INF2: variants seen among roughly 807,000 people sequenced by gnomAD.
INF2 encodes inverted formin 2.
Under a neutral mutation model 123.5 loss-of-function variants are expected in INF2, and 43 were observed. The ratio of observed to expected loss-of-function variants is 0.35; its 90% CI spans 0.27 to 0.45. The LOEUF (loss-of-function observed/expected upper bound fraction) is 0.45. Among genes scored for constraint, INF2 ranks in the 20% least tolerant of loss-of-function variants. The pLI is 1.00. For synonymous variants in INF2, 851 were observed against 745.0 expected, an observed-to-expected ratio of 1.14 and a Z score of -2.32; for missense variants, 1,453 against 1,682.7, an observed-to-expected ratio of 0.86 and a Z score of 2.39.
chr14:104,698,718 G>A (rs1463264804), intron 1 of INF2, among the ~76,000 whole-genome samples: 1 of 152,310 alleles, frequency 6.6e-6, no homozygotes, highest in Non-Finnish European at 1.5e-5. Context: ...AACATTCTCC[G>A]GTGTAGAGCC....
Position 104,707,660 on chromosome 14 carries a change from G to T in INF2, c.1393G>T (p.Gly465Cys). ...AGCACCCCCGCCCCCACCCCTGCCA[G>T]GCCTGGGGGCCATGGCCCCCCCAGC... ...PTAPPPPPLP[G>C]LGAMAPPAPP... Residue 465 changes from glycine (G) to cysteine (C), a missense_variant, in exon 8 of 23, where the codon GGC (glycine) becomes TGC (cysteine). Coordinates refer to ENST00000392634, the MANE Select transcript of INF2 (RefSeq NM_022489.4). The T allele has an allele frequency of 1.7e-6, 1 of 572,750 alleles. No individual in the cohort carries two copies. Among genetic ancestry groups the T allele is most frequent in the Non-Finnish European group, 2.8e-6 (1 of 363,404 alleles). The allele number at this position is 572,750 out of a possible 1,614,324, so 35.5% of individuals were successfully genotyped here.
rs889786318 is a variant in INF2, at chr14:104,699,369, C to T, written c.-9-1988C>T. The T allele has an allele frequency of 9.1e-6, 9 of 983,738 alleles. No homozygotes were observed. Among genetic ancestry groups the T allele is most frequent in the Non-Finnish European group, 8.4e-6 (7 of 828,670 alleles). 60.9% of individuals were successfully genotyped at this position (983,738 alleles called of 1,614,324 possible). ...CCTCTTTAGGCAGCAACAGCCAAGGCGGGTGGGAATATATGCAGAGGCCCG... is the reference window on the plus strand; with the variant it reads ...CCTCTTTAGGCAGCAACAGCCAAGGTGGGTGGGAATATATGCAGAGGCCCG... On this transcript the variant is annotated intron_variant, in intron 1 of 22. Transcript: ENST00000392634. The surrounding 1 kb of genome is among the most constrained non-coding windows in gnomAD (Gnocchi z 4.7).
At chr14:104,711,213 G>A (rs1445970330) in intron 15 of INF2, 27 bp downstream of exon 15, 1 of 1,530,560 alleles carries the variant, frequency 6.5e-7, no homozygotes, top group South Asian at 1.2e-5. Context: ...GGGGCATAAT[G>A]GGAGGGCTTC....
upstream of INF2, chr14:104,689,243 G>C: frequency 5.1e-6 from 5 of 985,428 alleles, no homozygotes; most frequent in Non-Finnish European, 6.0e-6. Context: ...GGGGCAGAGA[G>C]AGGTGAGCGG....
At chr14:104,694,331 T>C (rs895709518) in intron 1 of INF2, among the ~76,000 whole-genome samples, 1 of 152,228 alleles carries the variant, frequency 6.6e-6, no homozygotes, top group Non-Finnish European at 1.5e-5. Context: ...CCAAGCGGCA[T>C]GTTGCACCCA....
intron 1 of INF2, chr14:104,681,596 A>T: frequency 3.9e-6 from 5 of 1,288,996 alleles, no homozygotes; most frequent in Non-Finnish European, 5.1e-6. Flanking sequence ...AGAGATCAGG[A>T]ACGACAAGGC....
chr14:104,691,621 G>C (rs1192574376), intron 1 of INF2, among the ~76,000 whole-genome samples: 2 of 152,214 alleles, frequency 1.3e-5, no homozygotes, highest in Non-Finnish European at 2.9e-5. Context: ...GGCCACATAG[G>C]AGCCAGTCTC....
intron 1 of INF2, among the ~76,000 whole-genome samples, chr14:104,682,758 C>T (rs1566767618): frequency 6.6e-6 from 1 of 152,160 alleles, no homozygotes; most frequent in African/African-American, 2.4e-5. Context: ...TGAAACCAAG[C>T]CCTCACCTAG....
chr14:104,688,833 G>T (rs565294905), upstream of INF2, among the ~76,000 whole-genome samples: 1 of 152,338 alleles, frequency 6.6e-6, no homozygotes, highest in African/African-American at 2.4e-5. Flanking sequence ...CCAGAGCTGG[G>T]GTCTGGCTCT....
chr14:104,692,813 A>C (rs1250607593), intron 1 of INF2, among the ~76,000 whole-genome samples: 1 of 152,258 alleles, frequency 6.6e-6, no homozygotes, highest in East Asian at 1.9e-4. Context: ...GGCCAAGGGC[A>C]AGGGCCAAGG....
rs767711403 is a variant in INF2, at chr14:104,708,704, C to G, written c.1921C>G (p.Leu641Val). Residue 641 changes from leucine to valine, a missense_variant, in exon 10 of 23, where the codon CTC (leucine) becomes GTC (valine). Around this residue, in one of 8 missense-constraint regions of INF2, gnomAD observed 192 missense variants for 274.4 expected, o/e 0.70. Transcript: ENST00000392634. ...TFLDAKKSLN[L>V]NIFLKQFKCS... ...CCTCGATGCCAAGAAGAGCCTGAAC[C>G]TCAACATCTTCCTGAAGCAATTTAA... is the stretch of plus-strand genomic sequence containing the variant. 6.2e-7 allele frequency: 1 copy of G among 1,613,120 alleles called. No homozygotes were observed. Among genetic ancestry groups the G allele is most frequent in the South Asian group, 1.1e-5 (1 of 91,086 alleles).
chr14:104,710,808 G>A (rs192518528), intron 13 of INF2, 129 bp from the exon 14 acceptor site: 67 of 761,716 alleles, frequency 8.8e-5, no homozygotes, highest in African/African-American at 7.3e-4. Context: ...TGATCCTTCC[G>A]GTGCTGGGCT....
At position 104,707,643 on chromosome 14, in the gene INF2, C is replaced by T. The variant is rs766510967; in HGVS notation, c.1376C>T (p.Pro459Leu). 2.1e-5 allele frequency: 20 copies of T among 961,810 alleles called. No individual in the cohort carries two copies. The highest frequency in any genetic ancestry group is 1.6e-4 in the South Asian group (11 of 67,686). The allele number at this position is 961,810 out of a possible 1,614,324, so 59.6% of individuals were successfully genotyped here. A position where few individuals can be genotyped will look rare whatever the true frequency, so the allele number is the denominator to read the frequency against. ...VGAKALPTAP[P>L]PPPLPGLGAM... ...GCTAAGGCCCTCCCAACAGCACCCC[C>T]GCCCCCACCCCTGCCAGGCCTGGGG... Residue 459 changes from proline (P) to leucine (L), a missense_variant, in exon 8 of 23, where the codon CCG becomes CTG. Physicochemically the swap from Pro to Leu is moderately conservative, Grantham distance 98 (BLOSUM62 -3). This residue lies in a region of INF2 where 374 missense variants were observed against 303.7 expected (regional missense o/e 1.23). Transcript: ENST00000392634.
At position 104,713,049 on chromosome 14, in the gene INF2, T is replaced by C. The variant is rs1016102423; in HGVS notation, c.2775+57T>C. 5.8e-5 allele frequency: 94 copies of C among 1,608,930 alleles called. No individual in the cohort carries two copies. In the East Asian group the frequency reaches 2.1e-3, roughly 35 times the overall value. ...GGCTAGAGTGGGGTCCCGAGGCCCC[T>C]GGCCTTCCTCCGGCAGGATGGGCAG... On this transcript the variant is annotated intron_variant, in intron 18 of 22. Coordinates refer to ENST00000392634, the MANE Select transcript of INF2 (RefSeq NM_022489.4).
chr14:104,710,424 C>T (rs1195621420), intron 13 of INF2, among the ~76,000 whole-genome samples: 4 of 148,352 alleles, frequency 2.7e-5, no homozygotes, highest in Non-Finnish European at 4.6e-5. Context: ...TGCACACACA[C>T]AAGCACACTG....
Position 104,711,111 on chromosome 14 carries a change from G to C in INF2, c.2343G>C (p.Lys781Asn). The change falls in exon 15 of 23, where the codon AAG (lysine) becomes AAC (asparagine). Residue 781 changes from lysine to asparagine, a missense_variant. Lys to Asn is a moderately conservative substitution (Grantham distance 94, BLOSUM62 0). Around this residue, in one of 8 missense-constraint regions of INF2, gnomAD observed 31 missense variants for 86.0 expected, o/e 0.36. Transcript: ENST00000392634. ...ACACCGGTGACGCCGACGGCTTCAA[G>C]ATCAGCACATTGCTGAAGCTCACGG... ...GSHTGDADGF[K>N]ISTLLKLTET... is the part of the protein sequence containing the mutation. 1 of 1,587,704 alleles carries C rather than the reference G, an allele frequency of 6.3e-7. No individual in the cohort carries two copies. Among genetic ancestry groups the C allele is most frequent in the Non-Finnish European group, 8.6e-7 (1 of 1,168,494 alleles).
Position 104,716,118 on chromosome 14 carries a change from C to T in INF2, c.*1+778C>T, listed in dbSNP as rs576436795. 2.0e-4 allele frequency: 74 copies of T among 364,248 alleles called. 1 individual carries two copies. The highest frequency in any genetic ancestry group is 1.3e-3 in the African/African-American group (60 of 47,246). 22.6% of individuals were successfully genotyped at this position (364,248 alleles called of 1,614,324 possible). A position where few individuals can be genotyped will look rare whatever the true frequency, so the allele number is the denominator to read the frequency against. ...GAGCAGAGAACCAGAAGGTCCAGCC[C>T]GGCCGATCATGAGCTCTGTGAGCCC... On this transcript the variant is annotated intron_variant, in intron 22 of 22. Transcript: ENST00000392634.
intron 10 of INF2, 28 bp downstream of exon 10, chr14:104,708,760 A>G: frequency 6.2e-7 from 1 of 1,610,406 alleles, no homozygotes; most frequent in South Asian, 1.1e-5. Context: ...CCCCCATCCC[A>G]GGCCACGGAG....
rs1342540362 is a variant in INF2, at chr14:104,709,395, A to G, written c.2052+12A>G. 1.3e-6 allele frequency: 2 copies of G among 1,589,124 alleles called. No individual in the cohort carries two copies. The highest frequency in any genetic ancestry group is 2.2e-5 in the South Asian group (2 of 90,538). On this transcript the variant is annotated intron_variant, in intron 11 of 22. Coordinates refer to ENST00000392634, the MANE Select transcript of INF2 (RefSeq NM_022489.4). ...CCGAGAAGCACGAGGTAAGAGGACC[A>G]CCCCCACACCCCACCCCCAGTTAGT... is the stretch of plus-strand genomic sequence containing the variant.
Sources: gnomAD v4.1 joint callset for allele counts (sites outside exome capture counted in the v4.1 genomes callset) on GRCh38, gnomAD v4.1.1 for gene constraint, gnomAD v4.1.1 regional missense constraint, Gnocchi (gnomAD v3.1) non-coding constraint, MANE v1.5 for transcripts, NCBI Gene and HGNC (gene_info 2026-07-23, HGNC 2026-07-21) for gene names.